SLC3A1: variants seen among roughly 807,000 people sequenced by gnomAD.
SLC3A1 encodes the protein amino acid transporter heavy chain SLC3A1.
A neutral mutation model predicts 60.3 loss-of-function variants in SLC3A1; 78 were observed. The observed-to-expected ratio is 1.29, with a 90% confidence interval of 1.08 to 1.56. The LOEUF is 1.56. Ranked by LOEUF, SLC3A1 falls within the 40% of genes most tolerant of loss-of-function variation. The pLI, the probability that SLC3A1 is intolerant of heterozygous loss-of-function variation, is 0.00. For missense variants in SLC3A1, 1,172 were observed against 858.9 expected, an observed-to-expected ratio of 1.36 and a Z score of -4.56; for synonymous variants, 392 against 307.9, an observed-to-expected ratio of 1.27 and a Z score of -2.86.
In SLC3A1 at chr2:44,285,990, A is replaced by G. The variant is rs201278277; in HGVS notation, c.766-42A>G. 6.1e-5 allele frequency: 99 copies of G among 1,612,634 alleles called. No homozygotes were observed. In the East Asian group the frequency reaches 2.1e-3, roughly 34 times the overall value. ...GCAATGATCTTTATTTGTGGGCAAT[A>G]CCATTATAGGTCACTGATGTGCTGT... On this transcript the variant is annotated intron_variant, in intron 3 of 9. Coordinates refer to ENST00000260649, the MANE Select transcript of SLC3A1 (RefSeq NM_000341.4).
chr2:44,278,217 G>A (rs1308842672), intron 1 of SLC3A1, among the ~76,000 whole-genome samples: 3 of 152,196 alleles, frequency 2.0e-5, no homozygotes, highest in Non-Finnish European at 2.9e-5. Context: ...GGCCGAGGCA[G>A]GTGGATCACG....
chr2:44,318,487 T>C lies in SLC3A1; in HGVS notation c.1618-1712T>C, dbSNP rs143390867. 201 of 167,452 alleles carry C rather than the reference T, an allele frequency of 1.2e-3. 1 individual carries two copies. The highest frequency in any genetic ancestry group is 4.3e-3 in the African/African-American group (180 of 41,684). 10.4% of individuals were successfully genotyped at this position (167,452 alleles called of 1,614,324 possible). On this transcript the variant is annotated intron_variant, in intron 9 of 9. Coordinates refer to ENST00000260649, the MANE Select transcript of SLC3A1 (RefSeq NM_000341.4). ...CAACTATGGGCCCAGTATGCAGCTTTTAAAAATGACAGTTCTATATACATT... is the reference window on the plus strand; with the variant it reads ...CAACTATGGGCCCAGTATGCAGCTTCTAAAAATGACAGTTCTATATACATT...
intron 4 of SLC3A1, among the ~76,000 whole-genome samples, chr2:44,299,267 G>C (rs1157446341): frequency 1.3e-5 from 2 of 152,124 alleles, no homozygotes; most frequent in African/African-American, 2.4e-5. Flanking sequence ...TCAAACTCCT[G>C]ACCTCAGGTG....
chr2:44,310,793 T>C (rs1185921102), intron 7 of SLC3A1, among the ~76,000 whole-genome samples: 1 of 151,576 alleles, frequency 6.6e-6, no homozygotes, highest in African/African-American at 2.4e-5. Flanking sequence ...CCCACAGGTC[T>C]CTGAGAGTCT....
chr2:44,302,584 C>T (rs1391495409), intron 6 of SLC3A1, among the ~76,000 whole-genome samples: 1 of 152,166 alleles, frequency 6.6e-6, no homozygotes, highest in East Asian at 1.9e-4. Flanking sequence ...TGCACTTATC[C>T]ATAAATATGC....
intron 4 of SLC3A1, among the ~76,000 whole-genome samples, chr2:44,289,061 C>T (rs1572795991): frequency 6.7e-6 from 1 of 150,090 alleles, no homozygotes; most frequent in East Asian, 2.0e-4. Flanking sequence ...TCTCGAGCTC[C>T]TGGTCTCAAG....
chr2:44,300,093 A>G lies in SLC3A1; in HGVS notation c.1011+3A>G, dbSNP rs1206425661. The G allele has an allele frequency of 6.2e-7, 1 of 1,613,952 alleles. No homozygotes were observed. The highest frequency in any genetic ancestry group is 1.7e-4 in the Middle Eastern group (1 of 6,060). The stretch of plus-strand genomic sequence containing the variant: ...AAGTAAATAAGACCCAAATCCCGGT[A>G]AAGTTTTATTTTAAACGTTTTTCTT... On this transcript the variant is annotated splice_donor_region_variant and intron_variant, in intron 5 of 9. Coordinates refer to ENST00000260649, the MANE Select transcript of SLC3A1 (RefSeq NM_000341.4).
Position 44,321,286 on chromosome 2 carries a change from G to A in SLC3A1, c.*647G>A. The stretch of plus-strand genomic sequence containing the variant: ...GTCTCAAGTTATTAATTTTTTTTTT[G>A]CTAACTCAATTGGAAGTAAGACTAT... On this transcript the variant is annotated 3_prime_UTR_variant, in exon 10 of 10. Transcript: ENST00000260649. The A allele has an allele frequency of 8.3e-7, 1 of 1,209,182 alleles. No individual in the cohort carries two copies. The highest frequency in any genetic ancestry group is 1.4e-5 in the South Asian group (1 of 70,240). The allele number at this position is 1,209,182 out of a possible 1,614,324, so 74.9% of individuals were successfully genotyped here.
At chr2:44,279,682 A>T (rs553960866) in intron 1 of SLC3A1, among the ~76,000 whole-genome samples, 1 of 152,330 alleles carries the variant, frequency 6.6e-6, no homozygotes, top group Non-Finnish European at 1.5e-5. Context: ...GTTTAATCCA[A>T]TGTATCATTT....
intron 7 of SLC3A1, among the ~76,000 whole-genome samples, chr2:44,311,798 G>A (rs1012976307): frequency 6.6e-6 from 1 of 151,204 alleles, no homozygotes; most frequent in Non-Finnish European, 1.5e-5. Flanking sequence ...AAGTTCGAAC[G>A]CTAGTTCTGT....
rs141788440 is a variant in SLC3A1 at position 44,275,840 on chromosome 2, C to T, written c.305C>T (p.Ala102Val). Residue 102 changes from alanine (A) to valine (V), a missense_variant, in exon 1 of 10, where the codon GCG (alanine) becomes GTG (valine). Coordinates refer to ENST00000260649, the MANE Select transcript of SLC3A1 (RefSeq NM_000341.4). ...LTVASVLVLIAATIAIIALSP... is the reference protein window; with the variant it reads ...LTVASVLVLIVATIAIIALSP... ...GTGGCTTCTGTGCTGGTGCTCATCG[C>T]GGCCACCATAGCCATCATTGCCCTC... 4.3e-5 allele frequency: 69 copies of T among 1,614,260 alleles called. No homozygotes were observed. The highest frequency in any genetic ancestry group is 2.6e-4 in the South Asian group (24 of 91,090).
chr2:44,309,000 G>T (rs953236555), intron 7 of SLC3A1, among the ~76,000 whole-genome samples: 1 of 152,094 alleles, frequency 6.6e-6, no homozygotes, highest in Non-Finnish European at 1.5e-5. Flanking sequence ...CCAAAGTGCT[G>T]GGATTACAGG....
chr2:44,312,532 A>G, intron 7 of SLC3A1, 54 bp from the exon 8 acceptor site: 4 of 1,584,752 alleles, frequency 2.5e-6, no homozygotes, highest in Non-Finnish European at 3.5e-6. Context: ...AATAGGGTAA[A>G]TCTTTCAGAA....
At chr2:44,280,331 C>T (rs1303694582) in intron 1 of SLC3A1, among the ~76,000 whole-genome samples, 1 of 152,028 alleles carries the variant, frequency 6.6e-6, no homozygotes, top group Non-Finnish European at 1.5e-5. Flanking sequence ...CTCCGATTCC[C>T]AGGTTCAAGA....
intron 7 of SLC3A1, among the ~76,000 whole-genome samples, chr2:44,309,328 T>A (rs1436466468): frequency 6.6e-6 from 1 of 152,240 alleles, no homozygotes; most frequent in African/African-American, 2.4e-5. Context: ...CTTTTGTGTC[T>A]GCCTCATTTC....
intron 4 of SLC3A1, among the ~76,000 whole-genome samples, chr2:44,297,927 C>T (rs1244521845): frequency 2.0e-5 from 3 of 152,104 alleles, no homozygotes; most frequent in African/African-American, 4.8e-5. Context: ...TCATCCATGT[C>T]GTAGCATGTG....
At chr2:44,301,739 A>AC (rs1672015941) in intron 6 of SLC3A1, among the ~76,000 whole-genome samples, 1 of 17,060 alleles carries the variant, frequency 5.9e-5, no homozygotes, top group African/African-American at 4.9e-4. Flanking sequence ...ACTCCATCAC[A>AC]AAAAAAAAAA....
intron 1 of SLC3A1, among the ~76,000 whole-genome samples, chr2:44,277,735 T>G (rs529312097): frequency 1.3e-5 from 2 of 152,348 alleles, no homozygotes; most frequent in South Asian, 2.1e-4. Context: ...TGGCCCTGCC[T>G]TCTTAATAAT....
Position 44,320,380 on chromosome 2 carries a change from G to A in SLC3A1, c.1799G>A (p.Gly600Glu), listed in dbSNP as rs141944551. Residue 600 changes from glycine (G) to glutamate (E), a missense_variant, in exon 10 of 10, where the codon GGA (glycine) becomes GAA (glutamate). Physicochemically the swap from Gly to Glu is moderately conservative, Grantham distance 98. Transcript: ENST00000260649. ...DRIFIVVLNFGESTLLNLHNM... is the reference protein window; with the variant it reads ...DRIFIVVLNFEESTLLNLHNM... ...ATCTTTATCGTGGTTCTGAATTTTG[G>A]AGAATCAACACTGTTAAATCTACAT... 1.5e-4 allele frequency: 241 copies of A among 1,613,900 alleles called. No homozygotes were observed. Among genetic ancestry groups the A allele is most frequent in the Non-Finnish European group, 1.9e-4 (227 of 1,179,936 alleles).
Sources: gnomAD v4.1 joint callset for allele counts (sites outside exome capture counted in the v4.1 genomes callset) on GRCh38, gnomAD v4.1.1 for gene constraint, MANE v1.5 for transcripts, NCBI Gene and HGNC (gene_info 2026-07-23, HGNC 2026-07-21) for gene names.